RXRB: variants seen among roughly 807,000 people sequenced by gnomAD.
RXRB encodes the protein retinoid X receptor beta, also known as retinoic acid receptor RXR-beta.
In RXRB, 18 loss-of-function variants were observed where a neutral mutation model predicts 52.5. That is an observed-to-expected ratio of 0.34 (90% CI 0.24 to 0.51). RXRB has a LOEUF of 0.51. RXRB is among the 20% of genes least tolerant of loss of function. The probability of loss-of-function intolerance (pLI) is 0.97; values close to 1 mark genes in which losing one functional copy is unlikely to be tolerated. For synonymous variants in RXRB, 233 were observed against 267.1 expected (o/e 0.87, Z 1.25); for missense variants, 455 against 698.2 (o/e 0.65, Z 3.92).
rs1658362646 is a variant in RXRB at position 33,197,918 on chromosome 6, A to G, written c.664T>C (p.Cys222Arg). ...SSGKHYGVYS[C>R]EGCKGFFKRT... is the part of the protein sequence containing the mutation. ...TTGAAGAAGCCCTTGCAACCCTCAC[A>G]GCTGTAAACCCCGTAGTGTTTGCCT... The change falls in exon 4 of 10, where the codon TGT becomes CGT. Residue 222 changes from cysteine (C) to arginine (R), a missense_variant. Physicochemically the swap from Cys to Arg is radical, Grantham distance 180. Coordinates refer to ENST00000374680, the MANE Select transcript of RXRB (RefSeq NM_021976.5). This position sits in a 1 kb window ranked among gnomAD's most constrained non-coding sequence, Gnocchi z 4.4. 6.2e-7 allele frequency: 1 copy of G among 1,613,410 alleles called. No homozygotes were observed. The highest frequency in any genetic ancestry group is 8.5e-7 in the Non-Finnish European group (1 of 1,180,000).
At position 33,197,653 on chromosome 6, in the gene RXRB, C is replaced by T. The variant is rs1774018310; in HGVS notation, c.820+109G>A. Reference sequence around the variant, plus strand: ...GAAGGGAGAGAGAAATCAAATATCGCCCTCTAGAGGAGAGAGAGCAGTCCA... The same window carrying T: ...GAAGGGAGAGAGAAATCAAATATCGTCCTCTAGAGGAGAGAGAGCAGTCCA... On this transcript the variant is annotated intron_variant, in intron 4 of 9. Transcript: ENST00000374680. This position sits in a 1 kb window ranked among gnomAD's most constrained non-coding sequence, Gnocchi z 4.4. 1 of 967,996 alleles carries T rather than the reference C, an allele frequency of 1.0e-6. No homozygotes were observed. The highest frequency in any genetic ancestry group is 1.5e-6 in the Non-Finnish European group (1 of 653,550). The allele number at this position is 967,996 out of a possible 1,614,324, so 60.0% of individuals were successfully genotyped here.
At position 33,198,478 on chromosome 6, in the gene RXRB, A is replaced by T. The variant is rs756692545; in HGVS notation, c.484-14T>A. 1 of 1,611,806 alleles carries T rather than the reference A, an allele frequency of 6.2e-7. No homozygotes were observed. Among genetic ancestry groups the T allele is most frequent in the Non-Finnish European group, 8.5e-7 (1 of 1,178,996 alleles). ...TGTTGAGTTAATCTGGGATGGGGGA[A>T]ATAGGGAAGTCACAGGAAGACTTAT... is the stretch of plus-strand genomic sequence containing the variant. On this transcript the variant is annotated splice_polypyrimidine_tract_variant and intron_variant, in intron 2 of 9. Transcript: ENST00000374680.
At chr6:33,200,729 C>T (rs1187511665), upstream of RXRB, 7 of 1,545,348 alleles carry the variant, frequency 4.5e-6, no homozygotes, top group East Asian at 1.7e-4. The surrounding 1 kb of genome is among the most constrained non-coding windows in gnomAD (Gnocchi z 6.3). Flanking sequence ...TCTCCTCCGG[C>T]CTGTTAGCCC....
Position 33,195,008 on chromosome 6 carries a change from C to T in RXRB, c.1391G>A (p.Arg464Gln), listed in dbSNP as rs760368861. The change falls in exon 9 of 10, where the codon CGG becomes CAG. Residue 464 changes from arginine (R) to glutamine (Q), a missense_variant. This residue lies in a region of RXRB where 115 missense variants were observed against 253.1 expected (regional missense o/e 0.45). Transcript: ENST00000374680. The surrounding 1 kb of genome is among the most constrained non-coding windows in gnomAD (Gnocchi z 8.6). Reference protein sequence around the residue: ...LSNPSEVEVLREKVYASLETY... With the variant: ...LSNPSEVEVLQEKVYASLETY... The stretch of plus-strand genomic sequence containing the variant: ...CTCCAGTGATGCATACACTTTCTCC[C>T]GCAGGACCTCCACCTCACTAGGGTT... The T allele has an allele frequency of 1.2e-6, 2 of 1,612,936 alleles. No homozygotes were observed. Among genetic ancestry groups the T allele is most frequent in the Non-Finnish European group, 1.7e-6 (2 of 1,179,994 alleles).
At position 33,198,474 on chromosome 6, in the gene RXRB, G is replaced by C; in HGVS notation, c.484-10C>G. The C allele has an allele frequency of 1.2e-6, 2 of 1,611,948 alleles. No individual in the cohort carries two copies. Among genetic ancestry groups the C allele is most frequent in the Non-Finnish European group, 1.7e-6 (2 of 1,179,146 alleles). On this transcript the variant is annotated splice_polypyrimidine_tract_variant and intron_variant, in intron 2 of 9. Transcript: ENST00000374680. ...ACACTGTTGAGTTAATCTGGGATGG[G>C]GGAAATAGGGAAGTCACAGGAAGAC...
At chr6:33,199,107 G>C in intron 2 of RXRB, 62 bp downstream of exon 2, 7 of 1,200,496 alleles carry the variant, frequency 5.8e-6, no homozygotes, top group Non-Finnish European at 7.5e-6. Context: ...CAAGGATCTG[G>C]GGTTACAAGG....
Position 33,195,876 on chromosome 6 carries a change from C to T in RXRB, c.1123+31G>A. 1 of 1,611,378 alleles carries T rather than the reference C, an allele frequency of 6.2e-7. No homozygotes were observed. The highest frequency in any genetic ancestry group is 8.5e-7 in the Non-Finnish European group (1 of 1,179,738). ...GGGAAGTCAAAGAGGGGTCAAATGTCAAGAAGTCAAAGGGATCCAAGGTCA... is the reference window on the plus strand; with the variant it reads ...GGGAAGTCAAAGAGGGGTCAAATGTTAAGAAGTCAAAGGGATCCAAGGTCA... On this transcript the variant is annotated intron_variant, in intron 6 of 9. Coordinates refer to ENST00000374680, the MANE Select transcript of RXRB (RefSeq NM_021976.5). The surrounding 1 kb of genome is among the most constrained non-coding windows in gnomAD (Gnocchi z 8.6).
Position 33,199,162 on chromosome 6 carries a change from C to A in RXRB, c.483+7G>T, listed in dbSNP as rs377023238. The A allele has an allele frequency of 6.7e-5, 87 of 1,297,812 alleles. No homozygotes were observed. The highest frequency in any genetic ancestry group is 8.5e-5 in the Non-Finnish European group (86 of 1,017,198). The allele number at this position is 1,297,812 out of a possible 1,614,324, so 80.4% of individuals were successfully genotyped here. The stretch of plus-strand genomic sequence containing the variant: ...GGCCAGGCAGTAAGTTGGTCACAAC[C>A]TCTCACCTGGGGGCTGCTGACAGGC... On this transcript the variant is annotated splice_region_variant and intron_variant, in intron 2 of 9. Coordinates refer to ENST00000374680, the MANE Select transcript of RXRB (RefSeq NM_021976.5).
At position 33,200,319 on chromosome 6, in the gene RXRB, A is replaced by G. The variant is rs931183176; in HGVS notation, c.158T>C (p.Val53Ala). ...LDPAAAAAAA[V>A]AGGEQQTPEP... ...CGGGGTTTGTTGTTCTCCGCCTGCC[A>G]CCGCCGCCGCCGCCGCCGCTGCGGG... is the stretch of plus-strand genomic sequence containing the variant. Residue 53 changes from valine (V) to alanine (A), a missense_variant, in exon 1 of 10, where the codon GTG becomes GCG. Val to Ala is a moderately conservative substitution (Grantham distance 64, BLOSUM62 0). Transcript: ENST00000374680. This position sits in a 1 kb window ranked among gnomAD's most constrained non-coding sequence, Gnocchi z 6.3. 27 of 1,588,990 alleles carry G rather than the reference A, an allele frequency of 1.7e-5. No homozygotes were observed. The highest frequency in any genetic ancestry group is 5.2e-5 in the Admixed American group (3 of 58,034).
In RXRB at chr6:33,194,680, G is replaced by A; in HGVS notation, c.*2C>T. On this transcript the variant is annotated 3_prime_UTR_variant, in exon 10 of 10. Coordinates refer to ENST00000374680, the MANE Select transcript of RXRB (RefSeq NM_021976.5). This position sits in a 1 kb window ranked among gnomAD's most constrained non-coding sequence, Gnocchi z 4.1. ...TGAGAAGCACCACGTCTGGGTCTGAGCTCAGGCCAGTTGATGGGGAGCCTC... is the reference window on the plus strand; with the variant it reads ...TGAGAAGCACCACGTCTGGGTCTGAACTCAGGCCAGTTGATGGGGAGCCTC... 6.2e-7 allele frequency: 1 copy of A among 1,612,720 alleles called. No homozygotes were observed. The highest frequency in any genetic ancestry group is 8.5e-7 in the Non-Finnish European group (1 of 1,179,800).
intron 1 of RXRB, chr6:33,199,905 C>T: frequency 1.5e-6 from 1 of 678,930 alleles, no homozygotes; most frequent in South Asian, 1.4e-5. Flanking sequence ...GTAGCCAGAG[C>T]GTGCAAGGGA....
Position 33,198,371 on chromosome 6 carries a change from G to C in RXRB, c.577C>G (p.Pro193Ala), listed in dbSNP as rs1583416373. The C allele has an allele frequency of 6.2e-7, 1 of 1,613,022 alleles. No homozygotes were observed. Among genetic ancestry groups the C allele is most frequent in the East Asian group, 2.2e-5 (1 of 44,888 alleles). The change falls in exon 3 of 10, where the codon CCC (proline) becomes GCC (alanine). Residue 193 changes from proline to alanine, a missense_variant. Coordinates refer to ENST00000374680, the MANE Select transcript of RXRB (RefSeq NM_021976.5). ...CCAGCCCCAGGGCCACCTGGAGGGG[G>C]TGGACAGTGCAGGCCCCGGACCCCT... ...VLGVRGLHCP[P>A]PPGGPGAGKR...
At position 33,200,114 on chromosome 6, in the gene RXRB, G is replaced by A. The variant is rs1774350054; in HGVS notation, c.235+128C>T. 2 of 1,307,006 alleles carry A rather than the reference G, an allele frequency of 1.5e-6. No individual in the cohort carries two copies. The highest frequency in any genetic ancestry group is 2.2e-6 in the Non-Finnish European group (2 of 915,770). The allele number at this position is 1,307,006 out of a possible 1,614,324, so 81.0% of individuals were successfully genotyped here. On this transcript the variant is annotated intron_variant, in intron 1 of 9. Coordinates refer to ENST00000374680, the MANE Select transcript of RXRB (RefSeq NM_021976.5). The surrounding 1 kb of genome is among the most constrained non-coding windows in gnomAD (Gnocchi z 6.3). ...GGGGAGGGTGCTAAGGCCCTCGGGA[G>A]GGAGGGGACGCGTGTTTACAAACAA...
At position 33,195,641 on chromosome 6, in the gene RXRB, G is replaced by A. The variant is rs752486025; in HGVS notation, c.1185C>T (p.Ile395=). 2 of 1,613,032 alleles carry A rather than the reference G, an allele frequency of 1.2e-6. No homozygotes were observed. Among genetic ancestry groups the A allele is most frequent in the South Asian group, 1.1e-5 (1 of 91,084 alleles). ...SHRSIDVRDG[I]LLATGLHVHR... ...GCACGTGAAGACCTGTGGCAAGGAG[G>A]ATGCCATCTCGAACATCAATGGATC... Residue 395 remains isoleucine, a synonymous_variant, in exon 7 of 10, where the codon ATC becomes ATT. Coordinates refer to ENST00000374680, the MANE Select transcript of RXRB (RefSeq NM_021976.5). This position sits in a 1 kb window ranked among gnomAD's most constrained non-coding sequence, Gnocchi z 8.6.
upstream of RXRB, chr6:33,200,773 A>C: frequency 1.3e-6 from 2 of 1,530,290 alleles, no homozygotes; most frequent in African/African-American, 1.4e-5. The surrounding 1 kb of genome is among the most constrained non-coding windows in gnomAD (Gnocchi z 6.3). Flanking sequence ...TCACCTCCAC[A>C]CTCGCGCATG....
chr6:33,196,876 C>G lies in RXRB; in HGVS notation c.821-270G>C, dbSNP rs904568922. ...TACTACATGGTTAAAAAAAACATGC[C>G]AAGATTCAACCTGAGAAAGCTGATT... On this transcript the variant is annotated intron_variant, in intron 4 of 9. Coordinates refer to ENST00000374680, the MANE Select transcript of RXRB (RefSeq NM_021976.5). The surrounding 1 kb of genome is among the most constrained non-coding windows in gnomAD (Gnocchi z 4.0). 9.9e-5 allele frequency among the ~76,000 whole-genome samples: 15 copies of G among 151,688 alleles called. No homozygotes were observed. The highest frequency in any genetic ancestry group is 8.8e-5 in the Non-Finnish European group (6 of 67,940).
intron 2 of RXRB, 60 bp downstream of exon 2, chr6:33,199,109 G>T: frequency 6.5e-6 from 8 of 1,225,414 alleles, no homozygotes; most frequent in Non-Finnish European, 8.3e-6. Context: ...AGGATCTGGG[G>T]TTACAAGGAA....
Position 33,196,161 on chromosome 6 carries a change from T to C in RXRB, c.994-125A>G, listed in dbSNP as rs1296362712. 7 of 1,209,612 alleles carry C rather than the reference T, an allele frequency of 5.8e-6. No homozygotes were observed. The highest frequency in any genetic ancestry group is 7.2e-6 in the Non-Finnish European group (6 of 838,348). The allele number at this position is 1,209,612 out of a possible 1,614,324, so 74.9% of individuals were successfully genotyped here. A position where few individuals can be genotyped will look rare whatever the true frequency, so the allele number is the denominator to read the frequency against. Reference sequence around the variant, plus strand: ...TGTGAGCCCCATCCAAACCAATCCCTGTAAGTGAGTCTTCTCTTCTGGCAT... The same window carrying C: ...TGTGAGCCCCATCCAAACCAATCCCCGTAAGTGAGTCTTCTCTTCTGGCAT... On this transcript the variant is annotated intron_variant, in intron 5 of 9. Coordinates refer to ENST00000374680, the MANE Select transcript of RXRB (RefSeq NM_021976.5). This position sits in a 1 kb window ranked among gnomAD's most constrained non-coding sequence, Gnocchi z 4.0.
At chr6:33,199,509 T>A in intron 1 of RXRB, 93 bp from the exon 2 acceptor site, 2 of 984,084 alleles carry the variant, frequency 2.0e-6, no homozygotes, top group Non-Finnish European at 2.7e-6. Flanking sequence ...CTAGAGACTT[T>A]AATTCTCTAA....
Sources: gnomAD v4.1 joint callset for allele counts (sites outside exome capture counted in the v4.1 genomes callset) on GRCh38, gnomAD v4.1.1 for gene constraint, gnomAD v4.1.1 regional missense constraint, Gnocchi (gnomAD v3.1) non-coding constraint, MANE v1.5 for transcripts, NCBI Gene and HGNC (gene_info 2026-07-23, HGNC 2026-07-21) for gene names.